FGD4: variants seen among roughly 807,000 people sequenced by gnomAD.
FGD4 encodes FYVE, RhoGEF and PH domain-containing protein 4.
FGD4 carries 42 observed loss-of-function variants against 102.0 expected under a neutral mutation model. The observed-to-expected ratio is 0.41, with a 90% CI of 0.32 to 0.53. FGD4 has a LOEUF of 0.53. FGD4 is among the 20% of genes least tolerant of loss of function. The pLI, the probability that FGD4 is intolerant of heterozygous loss-of-function variation, is 0.21. For missense variants in FGD4, 902 were observed against 1,078.2 expected, an observed-to-expected ratio of 0.84 and a Z score of 2.29; for synonymous variants, 380 against 375.7, an observed-to-expected ratio of 1.01 and a Z score of -0.13.
intron 2 of FGD4, among the ~76,000 whole-genome samples, chr12:32,568,114 T>C (rs901954538): frequency 1.4e-4 from 22 of 152,262 alleles, no homozygotes; most frequent in African/African-American, 4.8e-4. Flanking sequence ...GTAAATATTT[T>C]TGAAGAATTA....
At chr12:32,521,374 A>AAAAG (rs1172092344) in intron 1 of FGD4, among the ~76,000 whole-genome samples, 4 of 148,248 alleles carry the variant, frequency 2.7e-5, no homozygotes, top group Non-Finnish European at 6.0e-5. Flanking sequence ...CTCCGTCTCA[A>AAAAG]AAAAAAAAAA....
intron 11 of FGD4, 68 bp from the exon 12 acceptor site, chr12:32,624,354 A>C: frequency 8.0e-7 from 1 of 1,253,026 alleles, no homozygotes; most frequent in Non-Finnish European, 1.1e-6. Context: ...ACAGGAAAGC[A>C]TAGTTTTATT....
intron 7 of FGD4, among the ~76,000 whole-genome samples, chr12:32,604,107 CTT>C (rs1948613279): frequency 6.6e-6 from 1 of 152,166 alleles, no homozygotes; most frequent in Admixed American, 6.5e-5. Flanking sequence ...TGATGAGTCA[CTT>C]TTCTCTTGCT....
chr12:32,553,158 G>A (rs7964106), intron 1 of FGD4, among the ~76,000 whole-genome samples: 51,852 of 151,730 alleles, frequency 0.34, 10,722 homozygotes, highest in African/African-American at 0.57. Context: ...TGGCCATCCC[G>A]AGAGTGGTGG....
At position 32,438,631 on chromosome 12, in the gene FGD4, A is replaced by G. The variant is rs113035395; in HGVS notation, c.166+38672A>G. 6.7e-5 allele frequency among the ~76,000 whole-genome samples: 10 copies of G among 148,936 alleles called. 1 individual carries two copies. Among genetic ancestry groups the G allele is most frequent in the African/African-American group, 2.5e-4 (10 of 40,284 alleles). On this transcript the variant is annotated intron_variant, in intron 1 of 16. Transcript: ENST00000534526. ...GTTTGTGTGTGTTTTTTTTTTTGAG[A>G]TGGAGTCTCGCTCTGTCACCCAGGC...
chr12:32,632,713 AT>A (rs372972257), intron 14 of FGD4, among the ~76,000 whole-genome samples: 25,958 of 123,574 alleles, frequency 0.21, 2,476 homozygotes, highest in South Asian at 0.3. Flanking sequence ...TTATTTATTT[AT>A]TTTTTTTTTT....
intron 1 of FGD4, among the ~76,000 whole-genome samples, chr12:32,480,847 A>G (rs1010891253): frequency 4.7e-5 from 7 of 148,486 alleles, no homozygotes; most frequent in African/African-American, 1.7e-4. Context: ...TCTATTGCCC[A>G]GGCTGGAGTG....
intron 1 of FGD4, among the ~76,000 whole-genome samples, chr12:32,442,168 C>T (rs1942459605): frequency 6.6e-6 from 1 of 151,874 alleles, no homozygotes; most frequent in African/African-American, 2.4e-5. Context: ...ATTCTCCTGC[C>T]TCAGCCTCCC....
chr12:32,431,630 C>T lies in FGD4; in HGVS notation c.166+31671C>T, dbSNP rs572489735. ...TACATTAAGAAAATAATTTCTGGGC[C>T]GGGCGCAGTGGCTCACACCTGTAAT... On this transcript the variant is annotated intron_variant, in intron 1 of 16. Coordinates refer to ENST00000534526, the MANE Select transcript of FGD4 (RefSeq NM_001370298.3). Among the ~76,000 whole-genome samples, 9 of 152,008 alleles carry T rather than the reference C, an allele frequency of 5.9e-5. No homozygotes were observed. In the South Asian group the frequency reaches 1.7e-3, roughly 28 times the overall value.
intron 1 of FGD4, among the ~76,000 whole-genome samples, chr12:32,456,346 G>A (rs548706785): frequency 3.2e-4 from 49 of 152,132 alleles, no homozygotes; most frequent in Non-Finnish European, 5.3e-4. Flanking sequence ...ATTTGTAAGG[G>A]GACAGTGGAT....
chr12:32,409,903 C>T (rs1259815058), intron 1 of FGD4, among the ~76,000 whole-genome samples: 1 of 151,148 alleles, frequency 6.6e-6, no homozygotes, highest in East Asian at 1.9e-4. Context: ...CAGTAGCTCA[C>T]ATCTGTAAAA....
chr12:32,561,114 C>A (rs1463524218), intron 1 of FGD4, among the ~76,000 whole-genome samples: 1 of 67,930 alleles, frequency 1.5e-5, no homozygotes, highest in Non-Finnish European at 2.6e-5. Flanking sequence ...GATGGAGTTT[C>A]ACTCTTGTTG....
At chr12:32,510,751 T>C (rs577678434) in intron 1 of FGD4, among the ~76,000 whole-genome samples, 2 of 152,320 alleles carry the variant, frequency 1.3e-5, no homozygotes, top group African/African-American at 4.8e-5. Flanking sequence ...GGTATTTAAA[T>C]ATAAATTAGA....
At chr12:32,639,128 G>T (rs535251072) in intron 16 of FGD4, among the ~76,000 whole-genome samples, 7 of 152,182 alleles carry the variant, frequency 4.6e-5, no homozygotes, top group African/African-American at 1.7e-4. Context: ...ATTAAGAAAA[G>T]ACTTTTTAAT....
chr12:32,472,924 T>C (rs181144418), intron 1 of FGD4, among the ~76,000 whole-genome samples: 28 of 151,976 alleles, frequency 1.8e-4, no homozygotes, highest in African/African-American at 6.8e-4. Flanking sequence ...GGATTGTAAA[T>C]ATACCAATCG....
At chr12:32,586,107 G>A (rs1436227991) in intron 4 of FGD4, among the ~76,000 whole-genome samples, 2 of 152,176 alleles carry the variant, frequency 1.3e-5, no homozygotes, top group South Asian at 4.1e-4. Context: ...TAATACAGAG[G>A]TACAAGGCTA....
intron 1 of FGD4, among the ~76,000 whole-genome samples, chr12:32,543,159 AC>A (rs1165392311): frequency 6.6e-6 from 1 of 152,214 alleles, no homozygotes; most frequent in Non-Finnish European, 1.5e-5. Context: ...AAAGCACTTT[AC>A]TGACATTTGC....
chr12:32,624,353 C>T, intron 11 of FGD4, 69 bp from the exon 12 acceptor site: 1 of 1,242,598 alleles, frequency 8.0e-7, no homozygotes, highest in Non-Finnish European at 1.2e-6. Flanking sequence ...AACAGGAAAG[C>T]ATAGTTTTAT....
At chr12:32,410,437 A>T (rs1941156640) in intron 1 of FGD4, among the ~76,000 whole-genome samples, 1 of 151,938 alleles carries the variant, frequency 6.6e-6, no homozygotes, top group South Asian at 2.1e-4. Context: ...GTGACCTGTG[A>T]TCACACCACT....
Sources: gnomAD v4.1 joint callset for allele counts (sites outside exome capture counted in the v4.1 genomes callset) on GRCh38, gnomAD v4.1.1 for gene constraint, MANE v1.5 for transcripts, NCBI Gene and HGNC (gene_info 2026-07-23, HGNC 2026-07-21) for gene names.